CATSPERT: variants seen among roughly 807,000 people sequenced by gnomAD.
CATSPERT encodes catsper channel auxiliary subunit tau.
the CATSPERT span, among the ~76,000 whole-genome samples, chr2:201,581,459 TACAC>T: frequency 1.7e-5 from 2 of 116,984 alleles, no homozygotes; most frequent in Admixed American, 9.1e-5. Flanking sequence ...TATATATGTA[TACAC>T]ACACACATTC....
At chr2:201,565,705 A>ATTTT in the CATSPERT span, 120 of 1,345,804 alleles carry the variant, frequency 8.9e-5, no homozygotes, top group South Asian at 8.6e-4. Context: ...GCTCTTTTGA[A>ATTTT]TTTTTTTTTT....
the CATSPERT span, among the ~76,000 whole-genome samples, chr2:201,569,870 C>T: frequency 6.6e-6 from 1 of 152,140 alleles, no homozygotes; most frequent in Admixed American, 6.6e-5. Flanking sequence ...ACTCCCCAAG[C>T]TACAGCATTA....
the CATSPERT span, among the ~76,000 whole-genome samples, chr2:201,559,780 C>T: frequency 6.6e-6 from 1 of 152,162 alleles, no homozygotes; most frequent in Admixed American, 6.5e-5. Context: ...AATATTCATA[C>T]AAATATTTCC....
the CATSPERT span, among the ~76,000 whole-genome samples, chr2:201,522,574 A>G: frequency 6.6e-6 from 1 of 152,144 alleles, no homozygotes; most frequent in Non-Finnish European, 1.5e-5. Flanking sequence ...AGGAAAGGGT[A>G]GGTTAAATAG....
the CATSPERT span, among the ~76,000 whole-genome samples, chr2:201,597,269 C>T: frequency 2.0e-5 from 3 of 152,136 alleles, no homozygotes; most frequent in African/African-American, 7.2e-5. Context: ...ACTCTGAATT[C>T]GGACTTCTGA....
chr2:201,599,675 C>G, the CATSPERT span, among the ~76,000 whole-genome samples: 1 of 152,056 alleles, frequency 6.6e-6, no homozygotes, highest in African/African-American at 2.4e-5. Flanking sequence ...CATTCTCAAA[C>G]TTTCTATTAG....
the CATSPERT span, among the ~76,000 whole-genome samples, chr2:201,520,475 G>T: frequency 6.6e-6 from 1 of 152,238 alleles, no homozygotes; most frequent in Admixed American, 6.5e-5. Context: ...TCTCTTATCT[G>T]ACCACAATGG....
the CATSPERT span, among the ~76,000 whole-genome samples, chr2:201,610,334 T>C: frequency 6.6e-6 from 1 of 151,876 alleles, no homozygotes; most frequent in Non-Finnish European, 1.5e-5. Context: ...GGCGGGCGCC[T>C]GTAGTCTCAG....
At chr2:201,572,126 C>T in the CATSPERT span, 2 of 724,114 alleles carry the variant, frequency 2.8e-6, no homozygotes, top group Admixed American at 5.4e-5. Context: ...TACCCCAGGA[C>T]TATGAAATAG....
At chr2:201,513,383 C>G in the CATSPERT span, among the ~76,000 whole-genome samples, 1 of 152,086 alleles carries the variant, frequency 6.6e-6, no homozygotes, top group Non-Finnish European at 1.5e-5. Flanking sequence ...AATGAGACAC[C>G]ATCTTACACC....
the CATSPERT span, among the ~76,000 whole-genome samples, chr2:201,594,678 C>T: frequency 0.068 from 10,259 of 151,942 alleles, 499 homozygotes; most frequent in African/African-American, 0.13. Context: ...TTGCTCGTTT[C>T]TTTTTATTCT....
At chr2:201,616,842 T>C in the CATSPERT span, among the ~76,000 whole-genome samples, 1 of 152,226 alleles carries the variant, frequency 6.6e-6, no homozygotes, top group African/African-American at 2.4e-5. Context: ...CTTAAGCTGA[T>C]AAGCAACTTC....
At chr2:201,595,212 A>T in the CATSPERT span, among the ~76,000 whole-genome samples, 1 of 131,312 alleles carries the variant, frequency 7.6e-6, no homozygotes, top group African/African-American at 2.9e-5. Context: ...TTTTTTTGAG[A>T]CGGAGTCTCA....
At chr2:201,603,951 C>G in the CATSPERT span, among the ~76,000 whole-genome samples, 1 of 152,102 alleles carries the variant, frequency 6.6e-6, no homozygotes, top group Non-Finnish European at 1.5e-5. Flanking sequence ...AAGAAAAATT[C>G]TTATTTCATA....
chr2:201,563,485 C>T, the CATSPERT span, among the ~76,000 whole-genome samples: 1 of 139,600 alleles, frequency 7.2e-6, no homozygotes, highest in Non-Finnish European at 1.6e-5. Flanking sequence ...CACCTCCCTC[C>T]CGGACGGGGC....
the CATSPERT span, chr2:201,488,019 T>G: frequency 1.3e-6 from 1 of 779,006 alleles, no homozygotes; most frequent in Non-Finnish European, 2.0e-6. Context: ...AAACAAGGAC[T>G]AAAGTTTATA....
the CATSPERT span, among the ~76,000 whole-genome samples, chr2:201,606,202 T>C: frequency 7.9e-3 from 1,198 of 152,358 alleles, 5 homozygotes; most frequent in Non-Finnish European, 0.01. Flanking sequence ...GGACTCACCA[T>C]GTGTCTAGAA....
At chr2:201,537,827 T>G in the CATSPERT span, among the ~76,000 whole-genome samples, 2 of 151,908 alleles carry the variant, frequency 1.3e-5, no homozygotes, top group African/African-American at 4.8e-5. Context: ...TCAGACAAAA[T>G]AGGACCATTC....
At chr2:201,502,726 G>T in the CATSPERT span, among the ~76,000 whole-genome samples, 1 of 151,724 alleles carries the variant, frequency 6.6e-6, no homozygotes, top group Non-Finnish European at 1.5e-5. Flanking sequence ...TTTTCTTTAG[G>T]TTCATTCCCT....
Sources: allele counts gnomAD v4.1 joint callset (sites outside exome capture counted in the v4.1 genomes callset), GRCh38; gene constraint gnomAD v4.1.1; transcripts MANE v1.5; gene names NCBI Gene and HGNC (gene_info 2026-07-23, HGNC 2026-07-21).